The following ARMC5 variants were observed in gnomAD, a reference collection of about 807,000 sequenced individuals.
ARMC5 encodes the protein armadillo repeat containing 5.
A neutral mutation model predicts 60.5 loss-of-function variants in ARMC5; 28 were observed. The observed-to-expected ratio is 0.46, with a 90% CI of 0.34 to 0.63. The LOEUF is 0.63. Ranked by LOEUF, ARMC5 falls within the 30% of genes least tolerant of loss-of-function variation. ARMC5 has a pLI of 0.01. For synonymous variants in ARMC5, 680 were observed against 607.3 expected (o/e 1.12, Z -1.76); for missense variants, 1,189 against 1,304.9 (o/e 0.91, Z 1.37).
At chr16:31,459,274 G>A (rs1048497197), upstream of ARMC5, 5 of 1,534,208 alleles carry the variant, frequency 3.3e-6, no homozygotes, top group African/African-American at 1.4e-5. Context: ...GTAGGCGTGA[G>A]AAGCTCGACG....
upstream of ARMC5, chr16:31,459,297 C>A (rs1164880322): frequency 6.5e-7 from 1 of 1,534,780 alleles, no homozygotes; most frequent in Non-Finnish European, 8.7e-7. Context: ...GACCACATCT[C>A]CCTCATGCAC....
Position 31,459,739 on chromosome 16 carries a change from C to T in ARMC5, c.215C>T (p.Ala72Val). ...CGCGGCGGGCTCCGCCCCCTACTCG[C>T]GCTGCTACGGCGAGCGGCTGCAGCG... ...RARGGLRPLL[A>V]LLRRAAAAGS... Residue 72 changes from alanine to valine, a missense_variant, in exon 1 of 6, where the codon GCG (alanine) becomes GTG (valine). Transcript: ENST00000268314. The T allele has an allele frequency of 6.5e-7, 1 of 1,548,576 alleles. No individual in the cohort carries two copies. Among genetic ancestry groups the T allele is most frequent in the Non-Finnish European group, 8.6e-7 (1 of 1,158,214 alleles).
Position 31,464,755 on chromosome 16 carries a change from G to A in ARMC5, c.1732G>A (p.Ala578Thr). Residue 578 changes from alanine (A) to threonine (T), a missense_variant, in exon 4 of 6, where the codon GCC (alanine) becomes ACC (threonine). Transcript: ENST00000268314. This position sits in a 1 kb window ranked among gnomAD's most constrained non-coding sequence, Gnocchi z 7.6. ...RILSRLTCNPACLEAFVRSYG... is the reference protein window; with the variant it reads ...RILSRLTCNPTCLEAFVRSYG... ...TCTGTCACGCCTCACCTGCAACCCT[G>A]CCTGCCTCGAGGCCTTCGTGCGCAG... 6.3e-7 allele frequency: 1 copy of A among 1,599,214 alleles called. No homozygotes were observed. The highest frequency in any genetic ancestry group is 8.5e-7 in the Non-Finnish European group (1 of 1,179,310).
rs374904217 is a variant in ARMC5, at chr16:31,459,657, C to T, written c.133C>T (p.Leu45=). The change falls in exon 1 of 6, where the codon CTA becomes TTA. Residue 45 remains leucine, a synonymous_variant. Transcript: ENST00000268314. ...TNETPLSRAL[L]ALRTRHIKAA... ...CGAGACACCCCTGAGCCGCGCGCTC[C>T]TAGCCCTCCGCACGCGCCACATCAA... is the stretch of plus-strand genomic sequence containing the variant. The T allele has an allele frequency of 2.5e-6, 4 of 1,585,496 alleles. No individual in the cohort carries two copies. The highest frequency in any genetic ancestry group is 1.8e-5 in the Admixed American group (1 of 55,408).
At position 31,466,700 on chromosome 16, in the gene ARMC5, C is replaced by T. The variant is rs267604529; in HGVS notation, c.2619C>T (p.Phe873=). 4 of 1,561,300 alleles carry T rather than the reference C, an allele frequency of 2.6e-6. No individual in the cohort carries two copies. The highest frequency in any genetic ancestry group is 1.4e-5 in the African/African-American group (1 of 73,800). ...GCCCGGAGTCAGTGGGTGAGGTGTT[C>T]CGCCTGGGCCGGCCCCGGCTGGCTG... ...QGGPESVGEV[F]RLGRPRLAAH... is the part of the protein sequence containing the mutation. The change falls in exon 6 of 6, where the codon TTC becomes TTT. Residue 873 remains phenylalanine, a synonymous_variant. Coordinates refer to ENST00000268314, the MANE Select transcript of ARMC5 (RefSeq NM_001105247.2). This position sits in a 1 kb window ranked among gnomAD's most constrained non-coding sequence, Gnocchi z 8.0.
In ARMC5 at chr16:31,464,407, T is replaced by A. The variant is rs548982011; in HGVS notation, c.1384T>A (p.Ser462Thr). The change falls in exon 4 of 6, where the codon TCC becomes ACC. Residue 462 changes from serine to threonine, a missense_variant. Transcript: ENST00000268314. This position sits in a 1 kb window ranked among gnomAD's most constrained non-coding sequence, Gnocchi z 7.6. The part of the protein sequence containing the change: ...SFRSLRSWLI[S>T]EGYATGPDDI... The stretch of plus-strand genomic sequence containing the variant: ...TGCCCTCCGCAGGTCGTGGCTGATC[T>A]CCGAGGGCTATGCCACAGGCCCTGA... 6.5e-7 allele frequency: 1 copy of A among 1,527,006 alleles called. No individual in the cohort carries two copies. The highest frequency in any genetic ancestry group is 2.3e-5 in the East Asian group (1 of 43,040). The allele number at this position is 1,527,006 out of a possible 1,614,324, so 94.6% of individuals were successfully genotyped here. A position where few individuals can be genotyped will look rare whatever the true frequency, so the allele number is the denominator to read the frequency against.
Position 31,466,794 on chromosome 16 carries a change from C to A in ARMC5, c.2713C>A (p.Leu905Ile). ...PRKRGLALVG[L>I]VEAAGEEAGP... ...GAAGCGGGGTCTGGCCCTGGTGGGG[C>A]TTGTGGAGGCAGCAGGTGAAGAGGC... The change falls in exon 6 of 6, where the codon CTT becomes ATT. Residue 905 changes from leucine to isoleucine, a missense_variant. Physicochemically the swap from Leu to Ile is conservative, Grantham distance 5 (BLOSUM62 2). Around this residue, in one of 2 missense-constraint regions of ARMC5, gnomAD observed 862 missense variants for 1,071.2 expected, o/e 0.80. Coordinates refer to ENST00000268314, the MANE Select transcript of ARMC5 (RefSeq NM_001105247.2). This position sits in a 1 kb window ranked among gnomAD's most constrained non-coding sequence, Gnocchi z 8.0. The A allele has an allele frequency of 6.3e-7, 1 of 1,590,440 alleles. No homozygotes were observed. Among genetic ancestry groups the A allele is most frequent in the South Asian group, 1.2e-5 (1 of 86,566 alleles).
chr16:31,466,311 C>G lies in ARMC5; in HGVS notation c.2230C>G (p.Pro744Ala). Residue 744 changes from proline (P) to alanine (A), a missense_variant, in exon 6 of 6, where the codon CCT becomes GCT. Physicochemically the swap from Pro to Ala is conservative, Grantham distance 27. Coordinates refer to ENST00000268314, the MANE Select transcript of ARMC5 (RefSeq NM_001105247.2). This position sits in a 1 kb window ranked among gnomAD's most constrained non-coding sequence, Gnocchi z 8.0. ...CLYEPLLGPAPVPAPDLHFLL... is the reference protein window; with the variant it reads ...CLYEPLLGPAAVPAPDLHFLL... Reference sequence around the variant, plus strand: ...CTATGAACCTCTGCTGGGCCCAGCCCCTGTCCCAGCTCCCGACCTGCACTT... The same window carrying G: ...CTATGAACCTCTGCTGGGCCCAGCCGCTGTCCCAGCTCCCGACCTGCACTT... The G allele has an allele frequency of 6.2e-7, 1 of 1,613,842 alleles. No individual in the cohort carries two copies. Among genetic ancestry groups the G allele is most frequent in the Non-Finnish European group, 8.5e-7 (1 of 1,179,888 alleles).
Position 31,459,618 on chromosome 16 carries a change from G to T in ARMC5, c.94G>T (p.Asp32Tyr), listed in dbSNP as rs1596599511. 1 of 1,598,600 alleles carries T rather than the reference G, an allele frequency of 6.3e-7. No individual in the cohort carries two copies. ...AAGEALGGEK[D>Y]PATNETPLSR... Reference sequence around the variant, plus strand: ...CGGGGAGGCTCTGGGTGGGGAAAAGGACCCAGCGACCAACGAGACACCCCT... The same window carrying T: ...CGGGGAGGCTCTGGGTGGGGAAAAGTACCCAGCGACCAACGAGACACCCCT... The change falls in exon 1 of 6, where the codon GAC becomes TAC. Residue 32 changes from aspartate (D) to tyrosine (Y), a missense_variant. This residue lies in a region of ARMC5 where 327 missense variants were observed against 233.7 expected (regional missense o/e 1.40). Transcript: ENST00000268314.
rs776365047 is a variant in ARMC5, at chr16:31,464,626, G to T, written c.1603G>T (p.Ala535Ser). The change falls in exon 4 of 6, where the codon GCC becomes TCC. Residue 535 changes from alanine (A) to serine (S), a missense_variant. Physicochemically the swap from Ala to Ser is moderately conservative, Grantham distance 99. Around this residue, in one of 2 missense-constraint regions of ARMC5, gnomAD observed 862 missense variants for 1,071.2 expected, o/e 0.80. Transcript: ENST00000268314. The surrounding 1 kb of genome is among the most constrained non-coding windows in gnomAD (Gnocchi z 7.6). ...GCTGCTGCTGTCGCGCTTTTCCCAG[G>T]CCCCTGACCCAAGTGGGGCACTTGT... Reference protein sequence around the residue: ...ALLLLSRFSQAPDPSGALVTG... With the variant: ...ALLLLSRFSQSPDPSGALVTG... The T allele has an allele frequency of 6.3e-7, 1 of 1,597,484 alleles. No individual in the cohort carries two copies. Among genetic ancestry groups the T allele is most frequent in the South Asian group, 1.1e-5 (1 of 90,532 alleles).
intron 1 of ARMC5, chr16:31,460,313 T>C (rs1189380099): frequency 2.9e-6 from 1 of 349,914 alleles, no homozygotes; most frequent in South Asian, 3.0e-5. Context: ...CGTCCAGTTA[T>C]GATGTTCATA....
At chr16:31,460,046 C>G in intron 1 of ARMC5, 47 bp downstream of exon 1, 1 of 1,585,078 alleles carries the variant, frequency 6.3e-7, no homozygotes, top group Middle Eastern at 1.7e-4. Context: ...TTTGCAACTC[C>G]CTTGCTCTCT....
rs2082314771 is a variant in ARMC5, at chr16:31,462,643, C to T, written c.1096C>T (p.Arg366Trp). ...CREAINRARL[R>W]DAGGLDLLMG... ...TGAGGCCATCAACCGGGCCCGACTG[C>T]GGGATGCTGGTGGCTTGGATCTACT... Residue 366 changes from arginine (R) to tryptophan (W), a missense_variant, in exon 3 of 6, where the codon CGG (arginine) becomes TGG (tryptophan). Coordinates refer to ENST00000268314, the MANE Select transcript of ARMC5 (RefSeq NM_001105247.2). The surrounding 1 kb of genome is among the most constrained non-coding windows in gnomAD (Gnocchi z 7.2). 4 of 1,613,616 alleles carry T rather than the reference C, an allele frequency of 2.5e-6. No homozygotes were observed. The highest frequency in any genetic ancestry group is 2.5e-6 in the Non-Finnish European group (3 of 1,179,994).
chr16:31,459,807 T>C lies in ARMC5; in HGVS notation c.283T>C (p.Ser95Pro), dbSNP rs1188951943. ...GGCAGGCCCCGGCTCCGCCCCCTCG[T>C]CGGCCGCGTCGGGAGCTTCTAGCCC... Reference protein sequence around the residue: ...SQAGPGSAPSSAASGASSPAP... With the variant: ...SQAGPGSAPSPAASGASSPAP... The change falls in exon 1 of 6, where the codon TCG becomes CCG. Residue 95 changes from serine (S) to proline (P), a missense_variant. Physicochemically the swap from Ser to Pro is moderately conservative, Grantham distance 74 (BLOSUM62 -1). Coordinates refer to ENST00000268314, the MANE Select transcript of ARMC5 (RefSeq NM_001105247.2). 2 of 1,540,918 alleles carry C rather than the reference T, an allele frequency of 1.3e-6. No individual in the cohort carries two copies. Among genetic ancestry groups the C allele is most frequent in the South Asian group, 1.2e-5 (1 of 85,300 alleles).
At chr16:31,460,055 C>G (rs985438231) in intron 1 of ARMC5, 56 bp downstream of exon 1, 2 of 1,568,694 alleles carry the variant, frequency 1.3e-6, no homozygotes, top group Non-Finnish European at 1.7e-6. Context: ...CCCTTGCTCT[C>G]TAGACCCGGG....
rs562207027 is a variant in ARMC5, at chr16:31,466,831, C to T, written c.2750C>T (p.Thr917Met). The change falls in exon 6 of 6, where the codon ACG becomes ATG. Residue 917 changes from threonine to methionine, a missense_variant. Around this residue, in one of 2 missense-constraint regions of ARMC5, gnomAD observed 862 missense variants for 1,071.2 expected, o/e 0.80. Transcript: ENST00000268314. This position sits in a 1 kb window ranked among gnomAD's most constrained non-coding sequence, Gnocchi z 8.0. Reference protein sequence around the residue: ...EAAGEEAGPLTEALLAVVMGI... With the variant: ...EAAGEEAGPLMEALLAVVMGI... ...GCAGGTGAAGAGGCAGGGCCCCTGA[C>T]GGAGGCTTTGCTGGCTGTGGTGATG... 1.3e-5 allele frequency: 21 copies of T among 1,594,088 alleles called. No homozygotes were observed. Among genetic ancestry groups the T allele is most frequent in the East Asian group, 1.1e-4 (5 of 44,768 alleles).
Position 31,466,632 on chromosome 16 carries a change from C to T in ARMC5, c.2551C>T (p.Leu851=). The change falls in exon 6 of 6, where the codon CTG becomes TTG. Residue 851 remains leucine (L), a synonymous_variant. Coordinates refer to ENST00000268314, the MANE Select transcript of ARMC5 (RefSeq NM_001105247.2). The surrounding 1 kb of genome is among the most constrained non-coding windows in gnomAD (Gnocchi z 8.0). The part of the protein sequence containing the change: ...RFLLPGLEEE[L]EEAVGRIHLG... Reference sequence around the variant, plus strand: ...CCTACTGCCTGGGCTGGAGGAGGAGCTGGAAGAGGCCGTGGGCCGCATCCA... The same window carrying T: ...CCTACTGCCTGGGCTGGAGGAGGAGTTGGAAGAGGCCGTGGGCCGCATCCA... 6.3e-7 allele frequency: 1 copy of T among 1,598,302 alleles called. No individual in the cohort carries two copies. The highest frequency in any genetic ancestry group is 1.1e-5 in the South Asian group (1 of 89,160).
At chr16:31,465,513 T>A (rs1050567309) in intron 4 of ARMC5, 25 of 808,932 alleles carry the variant, frequency 3.1e-5, no homozygotes, top group Non-Finnish European at 3.8e-5. Flanking sequence ...TGATTAATGA[T>A]ATTCATATAT....
upstream of ARMC5, chr16:31,458,766 CCCCCGCCG>C (rs1596598305): frequency 6.0e-6 from 9 of 1,494,114 alleles, no homozygotes; most frequent in East Asian, 2.2e-4. Context: ...ATGTCCCGCT[CCCCCGCCG>C]CCCCGCCCCG....
Sources: gnomAD v4.1 joint callset for allele counts on GRCh38, gnomAD v4.1.1 for gene constraint, gnomAD v4.1.1 regional missense constraint, Gnocchi (gnomAD v3.1) non-coding constraint, MANE v1.5 for transcripts, NCBI Gene and HGNC (gene_info 2026-07-23, HGNC 2026-07-21) for gene names.